PRDX1: variants seen among roughly 807,000 people sequenced by gnomAD.
The protein encoded by PRDX1 is peroxiredoxin 1, also known as peroxiredoxin-1.
In PRDX1, 19 loss-of-function variants were observed where a neutral mutation model predicts 20.7. The ratio of observed to expected loss-of-function variants is 0.92; its 90% CI spans 0.64 to 1.35. The LOEUF (loss-of-function observed/expected upper bound fraction) is 1.35, where lower values mean the gene tolerates loss of function less well. Ranked by LOEUF, PRDX1 falls within the 40% of genes most tolerant of loss-of-function variation. The pLI, the probability that PRDX1 is intolerant of heterozygous loss-of-function variation, is 0.00. For synonymous variants in PRDX1, 89 were observed against 83.9 expected, an observed-to-expected ratio of 1.06 and a Z score of -0.33; for missense variants, 226 against 240.0, an observed-to-expected ratio of 0.94 and a Z score of 0.38.
At chr1:45,516,359 C>T (rs1042897901) in intron 2 of PRDX1, among the ~76,000 whole-genome samples, 1 of 152,170 alleles carries the variant, frequency 6.6e-6, no homozygotes, top group Non-Finnish European at 1.5e-5. Context: ...CACAGTGGTG[C>T]GTGTCTGTAG....
chr1:45,514,103 T>C (rs1050774207), intron 5 of PRDX1, among the ~76,000 whole-genome samples: 4 of 152,188 alleles, frequency 2.6e-5, no homozygotes, highest in Admixed American at 6.5e-5. Flanking sequence ...AGGTGGGACA[T>C]GCGGGCAGCA....
intron 1 of PRDX1, among the ~76,000 whole-genome samples, chr1:45,519,582 GT>G (rs1243966899): frequency 1.3e-5 from 2 of 152,026 alleles, no homozygotes; most frequent in Non-Finnish European, 2.9e-5. Flanking sequence ...AATTCAACTT[GT>G]TTTATTTGTT....
At chr1:45,515,624 T>TAAAAAAAAAAAAAAAAA (rs1643846863) in intron 3 of PRDX1, 30 bp downstream of exon 3, 2 of 1,178,126 alleles carry the variant, frequency 1.7e-6, no homozygotes, top group African/African-American at 2.0e-5. Flanking sequence ...AAAAAAAAAG[T>TAAAAAAAAAAAAAAAAA]TCACATGCCA....
In PRDX1 at chr1:45,514,495, C is replaced by T; in HGVS notation, c.514+12G>A. 1 of 1,614,060 alleles carries T rather than the reference C, an allele frequency of 6.2e-7. No homozygotes were observed. On this transcript the variant is annotated intron_variant, in intron 5 of 5. Transcript: ENST00000319248. ...ACCACTCTGTTGTCCTGTTATCAGACAGATGGCTTACCTTCCCCATGTTTG... is the reference window on the plus strand; with the variant it reads ...ACCACTCTGTTGTCCTGTTATCAGATAGATGGCTTACCTTCCCCATGTTTG...
intron 1 of PRDX1, among the ~76,000 whole-genome samples, chr1:45,519,898 G>A (rs972069141): frequency 6.6e-6 from 1 of 152,158 alleles, no homozygotes; most frequent in Non-Finnish European, 1.5e-5. Context: ...CGCCCTTCCA[G>A]TCAGTCCAAC....
chr1:45,513,309 G>T (rs1643791222), intron 5 of PRDX1: 1 of 152,140 alleles, frequency 6.6e-6, no homozygotes, highest in Non-Finnish European at 1.5e-5. Context: ...AGATCTTTGG[G>T]AGTGACTGAT....
intron 1 of PRDX1, among the ~76,000 whole-genome samples, chr1:45,520,329 C>T (rs2149330382): frequency 6.6e-6 from 1 of 150,720 alleles, no homozygotes; most frequent in South Asian, 2.1e-4. Context: ...GGGTTCCTGA[C>T]TTTGGGGCTA....
At chr1:45,522,616 A>C (rs1643924205), upstream of PRDX1, among the ~76,000 whole-genome samples, 1 of 152,170 alleles carries the variant, frequency 6.6e-6, no homozygotes, top group Admixed American at 6.6e-5. Flanking sequence ...ACACATACAC[A>C]AAATCATAAT....
intron 1 of PRDX1, among the ~76,000 whole-genome samples, chr1:45,521,219 G>C (rs535578557): frequency 1.3e-5 from 2 of 152,100 alleles, no homozygotes; most frequent in Non-Finnish European, 2.9e-5. Flanking sequence ...CCCTTCAGGG[G>C]ATCTGCCCAG....
chr1:45,511,416 T>A lies in PRDX1; in HGVS notation c.515-2A>T, dbSNP rs1379672870. ...CAGGTTTCCAGCCAGCTGGGCACACTGCAAGAGAAAGGCACCACTAATTAA... is the reference window on the plus strand; with the variant it reads ...CAGGTTTCCAGCCAGCTGGGCACACAGCAAGAGAAAGGCACCACTAATTAA... On this transcript the variant is annotated splice_acceptor_variant, in intron 5 of 5. Coordinates refer to ENST00000319248, the MANE Select transcript of PRDX1 (RefSeq NM_181697.3). LOFTEE classifies it high-confidence loss of function. 1.9e-6 allele frequency: 3 copies of A among 1,611,862 alleles called. No individual in the cohort carries two copies. The East Asian group carries it at 6.7e-5, about 36-fold the overall frequency.
In PRDX1 at chr1:45,517,447, G is replaced by A. The variant is rs558152962; in HGVS notation, c.106+1491C>T. ...GCTCTGGAACTACAAGGTAAAGAAA[G>A]GAGGAGCCTCAACAGAACTTGCCAA... On this transcript the variant is annotated intron_variant, in intron 2 of 5. Coordinates refer to ENST00000319248, the MANE Select transcript of PRDX1 (RefSeq NM_181697.3). 2.0e-5 allele frequency among the ~76,000 whole-genome samples: 3 copies of A among 152,236 alleles called. No homozygotes were observed. The South Asian group carries it at 6.2e-4, about 32-fold the overall frequency.
chr1:45,512,252 A>C (rs949887782), intron 5 of PRDX1: 8 of 149,940 alleles, frequency 5.3e-5, no homozygotes, highest in African/African-American at 2.0e-4. Context: ...CACCTGGCTA[A>C]TTTTTGAGAC....
chr1:45,513,981 A>G (rs894092692), intron 5 of PRDX1, among the ~76,000 whole-genome samples: 1 of 152,150 alleles, frequency 6.6e-6, no homozygotes, highest in Non-Finnish European at 1.5e-5. Context: ...TGCAGTTGAG[A>G]CAAGAGGAAG....
intron 3 of PRDX1, 109 bp from the exon 4 acceptor site, chr1:45,515,104 T>G: frequency 6.8e-7 from 1 of 1,471,968 alleles, no homozygotes; most frequent in Non-Finnish European, 9.2e-7. Context: ...AAAGACTGTT[T>G]TTTTTCCGTT....
intron 5 of PRDX1, among the ~76,000 whole-genome samples, chr1:45,514,210 C>G (rs1325034265): frequency 2.0e-5 from 3 of 152,146 alleles, no homozygotes; most frequent in African/African-American, 7.2e-5. Context: ...GACCTTTGTT[C>G]ACGTGTTTAT....
At chr1:45,518,643 C>T (rs1643881602) in intron 2 of PRDX1, among the ~76,000 whole-genome samples, 1 of 152,032 alleles carries the variant, frequency 6.6e-6, no homozygotes, top group African/African-American at 2.4e-5. Flanking sequence ...GAATGAGACC[C>T]TGTCTCAAAA....
At chr1:45,511,494 G>T in intron 5 of PRDX1, 80 bp from the exon 6 acceptor site, 1 of 1,149,988 alleles carries the variant, frequency 8.7e-7, no homozygotes. Flanking sequence ...AACCAGTTCT[G>T]CACCTGAACA....
At chr1:45,520,651 G>A (rs1643902786) in intron 1 of PRDX1, among the ~76,000 whole-genome samples, 1 of 150,862 alleles carries the variant, frequency 6.6e-6, no homozygotes, top group Non-Finnish European at 1.5e-5. Flanking sequence ...GTGAACCCGG[G>A]AGGCGGAGGC....
At chr1:45,520,723 C>CAAAAAA (rs71052895) in intron 1 of PRDX1, among the ~76,000 whole-genome samples, 2 of 57,542 alleles carry the variant, frequency 3.5e-5, no homozygotes, top group Non-Finnish European at 6.4e-5. Flanking sequence ...GACTCCGTCT[C>CAAAAAA]AAAAAAAAAA....
Sources: gnomAD v4.1 joint callset for allele counts (sites outside exome capture counted in the v4.1 genomes callset) on GRCh38, gnomAD v4.1.1 for gene constraint, MANE v1.5 for transcripts, NCBI Gene and HGNC (gene_info 2026-07-23, HGNC 2026-07-21) for gene names.